Variants in MCEE observed in about 807,000 individuals in gnomAD.
MCEE encodes methylmalonyl-CoA epimerase, mitochondrial.
In MCEE, 6 loss-of-function variants were observed where a neutral mutation model predicts 12.9. That is an observed-to-expected ratio of 0.47 (90% CI 0.26 to 0.92). The LOEUF is 0.92. Ranked by LOEUF, MCEE falls within the 40% of genes least tolerant of loss-of-function variation. The probability of loss-of-function intolerance (pLI) is 0.16; values close to 1 mark genes in which losing one functional copy is unlikely to be tolerated. For synonymous variants in MCEE, 78 were observed against 77.9 expected, an observed-to-expected ratio of 1.00 and a Z score of -0.01; for missense variants, 214 against 212.1, an observed-to-expected ratio of 1.01 and a Z score of -0.05.
chr2:71,118,103 C>T lies in MCEE; in HGVS notation c.378+6103G>A, dbSNP rs1307662854. Among the ~76,000 whole-genome samples, 10 of 150,250 alleles carry T rather than the reference C, an allele frequency of 6.7e-5. 1 individual carries two copies. The highest frequency in any genetic ancestry group is 3.4e-3 in the Middle Eastern group (1 of 292). ...CGGAAGCGTCCCAGTGGATACACATCCTCCTCACCCTGTGTGGCTCTGACT... is the reference window on the plus strand; with the variant it reads ...CGGAAGCGTCCCAGTGGATACACATTCTCCTCACCCTGTGTGGCTCTGACT... On this transcript the variant is annotated intron_variant, in intron 2 of 2. Coordinates refer to ENST00000244217, the MANE Select transcript of MCEE (RefSeq NM_032601.4).
intron 2 of MCEE, among the ~76,000 whole-genome samples, chr2:71,111,959 AAACTG>A (rs1212269720): frequency 1.3e-5 from 2 of 152,202 alleles, no homozygotes; most frequent in African/African-American, 4.8e-5. Context: ...CAGGGAGGAT[AAACTG>A]ATCTCTTTTA....
intron 1 of MCEE, among the ~76,000 whole-genome samples, chr2:71,128,873 C>A (rs1214313198): frequency 6.6e-6 from 1 of 151,460 alleles, no homozygotes; most frequent in African/African-American, 2.4e-5. Context: ...GCCTGTAATC[C>A]CAGCTACTCG....
At chr2:71,130,095 G>C (rs1381345427) in intron 1 of MCEE, 85 bp downstream of exon 1, 2 of 1,365,644 alleles carry the variant, frequency 1.5e-6, no homozygotes, top group African/African-American at 2.9e-5. Flanking sequence ...AAGGTGCTTT[G>C]GCCACGCCGA....
chr2:71,120,092 G>C (rs1673069184), intron 2 of MCEE, among the ~76,000 whole-genome samples: 1 of 149,912 alleles, frequency 6.7e-6, no homozygotes, highest in South Asian at 2.1e-4. Context: ...GTGTCTGAAG[G>C]GTCCCAGAAA....
At chr2:71,123,453 A>C (rs1315346297) in intron 2 of MCEE, among the ~76,000 whole-genome samples, 1 of 151,008 alleles carries the variant, frequency 6.6e-6, no homozygotes, top group Non-Finnish European at 1.5e-5. Flanking sequence ...ATCACGCCAC[A>C]CTGCACTTCA....
chr2:71,116,304 C>G lies in MCEE; in HGVS notation c.379-6182G>C, dbSNP rs940496903. Among the ~76,000 whole-genome samples, 6 of 150,224 alleles carry G rather than the reference C, an allele frequency of 4.0e-5. 1 individual carries two copies. The highest frequency in any genetic ancestry group is 8.8e-5 in the Non-Finnish European group (6 of 68,006). ...AGCCAGGATGGTCTCGATCTCCTGA[C>G]CTCGTGATCCACCCGCCTCGGCCTC... On this transcript the variant is annotated intron_variant, in intron 2 of 2. Transcript: ENST00000244217.
intron 2 of MCEE, among the ~76,000 whole-genome samples, chr2:71,116,294 G>T (rs935684938): frequency 2.0e-5 from 3 of 149,994 alleles, no homozygotes; most frequent in Admixed American, 6.6e-5. Flanking sequence ...GGATGGTCTC[G>T]ATCTCCTGAC....
At chr2:71,114,042 T>C (rs1469240696) in intron 2 of MCEE, among the ~76,000 whole-genome samples, 1 of 152,024 alleles carries the variant, frequency 6.6e-6, no homozygotes, top group African/African-American at 2.4e-5. Context: ...TTCAAAAGTG[T>C]TAAGGTCATC....
chr2:71,126,830 T>C (rs757615083), intron 1 of MCEE, among the ~76,000 whole-genome samples: 11 of 152,212 alleles, frequency 7.2e-5, no homozygotes, highest in Non-Finnish European at 1.5e-4. Flanking sequence ...GTATACAATG[T>C]GATGTTTTAA....
intron 2 of MCEE, among the ~76,000 whole-genome samples, chr2:71,121,978 A>C (rs963496498): frequency 6.6e-6 from 1 of 152,184 alleles, no homozygotes; most frequent in Admixed American, 6.5e-5. Flanking sequence ...CCTGCTATTG[A>C]TATGACCATG....
intron 1 of MCEE, among the ~76,000 whole-genome samples, chr2:71,128,285 G>A (rs1170841032): frequency 6.6e-6 from 1 of 151,818 alleles, no homozygotes. Flanking sequence ...TTTGTTTTTC[G>A]GCGAAGTTTT....
intron 1 of MCEE, among the ~76,000 whole-genome samples, chr2:71,125,870 T>A (rs935519638): frequency 2.0e-5 from 3 of 152,238 alleles, no homozygotes; most frequent in African/African-American, 7.2e-5. Context: ...GTAAGTTTCA[T>A]TGTTATCATG....
At chr2:71,126,250 C>A (rs537112644) in intron 1 of MCEE, among the ~76,000 whole-genome samples, 2 of 152,082 alleles carry the variant, frequency 1.3e-5, no homozygotes, top group Non-Finnish European at 2.9e-5. Flanking sequence ...TATTTTGAGA[C>A]GAACTCTTGC....
At chr2:71,123,773 G>T (rs1464199988) in intron 2 of MCEE, among the ~76,000 whole-genome samples, 1 of 152,160 alleles carries the variant, frequency 6.6e-6, no homozygotes, top group Non-Finnish European at 1.5e-5. Flanking sequence ...TAATAACGAA[G>T]AAGTTATTAG....
intron 2 of MCEE, among the ~76,000 whole-genome samples, chr2:71,116,370 G>A (rs539479802): frequency 2.7e-5 from 4 of 149,706 alleles, no homozygotes; most frequent in East Asian, 1.9e-4. Context: ...ACCATGCCCG[G>A]CCCTTTACTT....
chr2:71,122,723 G>C (rs1361024983), intron 2 of MCEE, among the ~76,000 whole-genome samples: 1 of 152,180 alleles, frequency 6.6e-6, no homozygotes, highest in African/African-American at 2.4e-5. Context: ...ACAACATGTG[G>C]GAATTCAAGA....
chr2:71,112,690 C>T (rs1178075104), intron 2 of MCEE, among the ~76,000 whole-genome samples: 2 of 150,018 alleles, frequency 1.3e-5, no homozygotes, highest in African/African-American at 4.9e-5. Flanking sequence ...CCCGACTTGG[C>T]CTCCCACAAT....
chr2:71,117,267 T>C (rs1038901001), intron 2 of MCEE, among the ~76,000 whole-genome samples: 10 of 150,654 alleles, frequency 6.6e-5, no homozygotes, highest in African/African-American at 2.5e-4. Flanking sequence ...GTTCCAGTCT[T>C]CTTGGATTTA....
intron 1 of MCEE, among the ~76,000 whole-genome samples, chr2:71,128,622 C>T (rs1212601353): frequency 2.0e-5 from 3 of 151,864 alleles, no homozygotes; most frequent in Admixed American, 6.6e-5. Context: ...CTCCGCCTCC[C>T]GGGTTCAAGC....
Sources: allele counts gnomAD v4.1 joint callset (sites outside exome capture counted in the v4.1 genomes callset), GRCh38; gene constraint gnomAD v4.1.1; transcripts MANE v1.5; gene names NCBI Gene and HGNC (gene_info 2026-07-23, HGNC 2026-07-21).